The following SLC8A1 variants were observed in gnomAD, a reference collection of about 807,000 sequenced individuals.
SLC8A1 encodes solute carrier family 8 member A1.
SLC8A1 carries 18 observed loss-of-function variants against 68.3 expected under a neutral mutation model. The ratio of observed to expected loss-of-function variants is 0.26; its 90% CI spans 0.18 to 0.39. SLC8A1 has a LOEUF of 0.39. Ranked by LOEUF, SLC8A1 falls within the 10% of genes least tolerant of loss-of-function variation. SLC8A1 has a pLI of 1.00. For missense variants in SLC8A1, 985 were observed against 1,156.7 expected, an observed-to-expected ratio of 0.85 and a Z score of 2.15; for synonymous variants, 475 against 415.5, an observed-to-expected ratio of 1.14 and a Z score of -1.74.
In SLC8A1 at chr2:40,214,638, G is replaced by A. The variant is rs141174452; in HGVS notation, c.1809-36783C>T. Among the ~76,000 whole-genome samples the A allele has an allele frequency of 3.4e-3, 517 of 151,552 alleles. 2 individuals are homozygous for A. The highest frequency in any genetic ancestry group is 0.011 in the African/African-American group (472 of 41,320). On this transcript the variant is annotated intron_variant, in intron 2 of 7. Coordinates refer to ENST00000406785, the Ensembl canonical transcript of SLC8A1. Reference sequence around the variant, plus strand: ...TTTTTTTTGTATTTTTAGTAGACACGGGGTTTCGCCAGGCTGGTCTCGAAC... The same window carrying A: ...TTTTTTTTGTATTTTTAGTAGACACAGGGTTTCGCCAGGCTGGTCTCGAAC...
intron 2 of SLC8A1, among the ~76,000 whole-genome samples, chr2:40,400,609 G>T (rs1347843451): frequency 5.3e-5 from 8 of 152,156 alleles, no homozygotes; most frequent in Non-Finnish European, 1.5e-5. Context: ...CAGGCAGACA[G>T]GGAGGAAATG....
chr2:40,155,122 A>AATT lies in SLC8A1; in HGVS notation c.2161+5640_2161+5642dup, dbSNP rs71404279. ...GGCTATGTCAAATCTGACACAGCAG[A>AATT]ATTATTATTATTATTATTATTTTTT... On this transcript the variant is annotated intron_variant, in intron 6 of 7. Coordinates refer to ENST00000406785, the Ensembl canonical transcript of SLC8A1. Among the ~76,000 whole-genome samples the AATT allele has an allele frequency of 3.2e-4, 48 of 151,484 alleles. No individual in the cohort carries two copies. The East Asian group carries it at 5.1e-3, about 16-fold the overall frequency.
chr2:40,353,334 C>T (rs918360802), intron 2 of SLC8A1, among the ~76,000 whole-genome samples: 1 of 152,122 alleles, frequency 6.6e-6, no homozygotes, highest in African/African-American at 2.4e-5. Context: ...CTACAGCCCT[C>T]GCTGCTGGGG....
At chr2:40,349,336 T>C (rs1263603424) in intron 2 of SLC8A1, among the ~76,000 whole-genome samples, 1 of 151,902 alleles carries the variant, frequency 6.6e-6, no homozygotes, top group East Asian at 1.9e-4. Flanking sequence ...AAAGACAGAG[T>C]GGGCAGGAAG....
intron 2 of SLC8A1, among the ~76,000 whole-genome samples, chr2:40,310,738 C>G (rs114204321): frequency 0.013 from 1,958 of 152,216 alleles, 42 homozygotes; most frequent in African/African-American, 0.045. Flanking sequence ...TCATCTCCCT[C>G]CACTCAGTAG....
chr2:40,483,943 T>A (rs1354084167), intron 1 of SLC8A1, among the ~76,000 whole-genome samples: 1 of 152,174 alleles, frequency 6.6e-6, no homozygotes, highest in Non-Finnish European at 1.5e-5. Flanking sequence ...ACTATCTAGT[T>A]TAGAAAGCAT....
At chr2:40,258,054 C>T (rs1425423471) in intron 2 of SLC8A1, among the ~76,000 whole-genome samples, 1 of 152,078 alleles carries the variant, frequency 6.6e-6, no homozygotes, top group Non-Finnish European at 1.5e-5. Context: ...AAACAGAATG[C>T]CAAACAATTG....
At position 40,107,283 on chromosome 2, in the gene SLC8A1, A is replaced by AAAAAAAAAAAAG. The variant is rs1449302135; in HGVS notation, c.*7969_*7970insCTTTTTTTTTTT. On this transcript the variant is annotated 3_prime_UTR_variant, in exon 8 of 8. Transcript: ENST00000406785. ...CGACAGAGCGAGACTCCGTCTCAAA[A>AAAAAAAAAAAAG]AAAAAAAAAAAAAAAAGAAAATGCC... The AAAAAAAAAAAAG allele has an allele frequency of 3.1e-5, 3 of 98,214 alleles. 1 individual carries two copies. The highest frequency in any genetic ancestry group is 7.2e-5 in the African/African-American group (2 of 27,780). 6.1% of individuals were successfully genotyped at this position (98,214 alleles called of 1,614,324 possible). A position where few individuals can be genotyped will look rare whatever the true frequency, so the allele number is the denominator to read the frequency against.
intron 7 of SLC8A1, among the ~76,000 whole-genome samples, chr2:40,122,625 G>C (rs1002063785): frequency 6.6e-6 from 1 of 152,142 alleles, no homozygotes; most frequent in African/African-American, 2.4e-5. Context: ...ATCGGCCTGA[G>C]ATGTGGCTGG....
intron 2 of SLC8A1, among the ~76,000 whole-genome samples, chr2:40,343,746 T>G (rs2041764): frequency 0.68 from 103,448 of 152,032 alleles, 35,966 homozygotes; most frequent in East Asian, 0.92. Flanking sequence ...GAGAAAAATA[T>G]GAATGGGAAA....
intron 2 of SLC8A1, among the ~76,000 whole-genome samples, chr2:40,342,962 T>C (rs1330146793): frequency 6.6e-6 from 1 of 152,160 alleles, no homozygotes. Flanking sequence ...CAATAAGAGA[T>C]GGTAACCACG....
At chr2:40,212,281 A>ATGTTTTTTTTTTTTTTTTTTTTT (rs371395367) in intron 2 of SLC8A1, among the ~76,000 whole-genome samples, 3 of 118,210 alleles carry the variant, frequency 2.5e-5, no homozygotes, top group Non-Finnish European at 3.5e-5. Context: ...GAGATGCAAT[A>ATGTTTTTTTTTTTTTTTTTTTTT]TCTTTTTTTT....
At chr2:40,393,657 C>T (rs1226878120) in intron 2 of SLC8A1, among the ~76,000 whole-genome samples, 4 of 152,064 alleles carry the variant, frequency 2.6e-5, no homozygotes, top group African/African-American at 9.7e-5. Flanking sequence ...AGGGGGATAA[C>T]TGTGTAATGT....
rs200793976 is a variant in SLC8A1 at position 40,449,183 on chromosome 2, A to AC, written c.-25+2720_-25+2721insG. Among the ~76,000 whole-genome samples, 787 of 151,360 alleles carry AC rather than the reference A, an allele frequency of 5.2e-3. 7 individuals carry two copies. The highest frequency in any genetic ancestry group is 0.028 in the South Asian group (132 of 4,796). ...AAACAAAAAACAAAAAACAACAACA[A>AC]AAAAAAACACACAGACATTAATGTC... On this transcript the variant is annotated intron_variant, in intron 1 of 7. Coordinates refer to ENST00000406785, the Ensembl canonical transcript of SLC8A1.
Position 40,494,528 on chromosome 2 carries a change from A to C in SLC8A1, c.-25+17821T>G, listed in dbSNP as rs1017669391. On this transcript the variant is annotated intron_variant, in intron 1 of 7. Transcript: ENST00000402441. ...CTTTGGGTATATACCCAGTAATGGG[A>C]TGGCTGGTTCAAATGGTATTTCTAG... Among the ~76,000 whole-genome samples, 3 of 151,200 alleles carry C rather than the reference A, an allele frequency of 2.0e-5. No homozygotes were observed. The Admixed American group carries it at 2.0e-4, about 10-fold the overall frequency.
intron 2 of SLC8A1, among the ~76,000 whole-genome samples, chr2:40,288,009 C>T (rs1473401850): frequency 1.3e-5 from 2 of 152,092 alleles, no homozygotes; most frequent in Non-Finnish European, 2.9e-5. Context: ...GCTCCTGGTC[C>T]TTTGGCTTGG....
chr2:40,330,040 C>G lies in SLC8A1; in HGVS notation c.1808+98433G>C, dbSNP rs374362441. Among the ~76,000 whole-genome samples, 9 of 152,240 alleles carry G rather than the reference C, an allele frequency of 5.9e-5. No homozygotes were observed. In the South Asian group the frequency reaches 1.9e-3, roughly 32 times the overall value. On this transcript the variant is annotated intron_variant, in intron 2 of 7. Transcript: ENST00000406785. ...ATAAACTAATGTTTCTAACTAAAAA[C>G]GGGTGTGGAGCTTAAAACTTTTCAA...
intron 2 of SLC8A1, among the ~76,000 whole-genome samples, chr2:40,277,798 A>ATATATATATATATATATATATATATGTG (rs2066940666): frequency 2.6e-5 from 1 of 38,270 alleles, no homozygotes; most frequent in African/African-American, 1.8e-4. Flanking sequence ...ATGTGTGTAT[A>ATATATATATATATATATATATATATGTG]TATATATATA....
chr2:40,448,824 T>C (rs1029454943), intron 1 of SLC8A1, among the ~76,000 whole-genome samples: 5 of 152,126 alleles, frequency 3.3e-5, no homozygotes, highest in African/African-American at 1.2e-4. Flanking sequence ...ACATTTATCC[T>C]TGGGGGCAAA....
Sources: allele counts gnomAD v4.1 joint callset (sites outside exome capture counted in the v4.1 genomes callset), GRCh38; gene constraint gnomAD v4.1.1; transcripts MANE v1.5; gene names NCBI Gene and HGNC (gene_info 2026-07-23, HGNC 2026-07-21).